PDE4D: variants seen among roughly 807,000 people sequenced by gnomAD.
PDE4D encodes 3',5'-cyclic-AMP phosphodiesterase 4D.
In PDE4D, 24 loss-of-function variants were observed where a neutral mutation model predicts 87.4. The observed-to-expected ratio is 0.27, with a 90% confidence interval of 0.20 to 0.39. The LOEUF (loss-of-function observed/expected upper bound fraction) is 0.39. PDE4D is among the 10% of genes least tolerant of loss of function. The pLI, the probability that PDE4D is intolerant of heterozygous loss-of-function variation, is 1.00. For missense variants in PDE4D, 714 were observed against 1,041.0 expected (o/e 0.69, Z 4.32); for synonymous variants, 384 against 383.2 (o/e 1.00, Z -0.02).
chr5:60,488,947 C>T (rs1212904857), upstream of PDE4D, among the ~76,000 whole-genome samples: 1 of 152,106 alleles, frequency 6.6e-6, no homozygotes, highest in African/African-American at 2.4e-5. Flanking sequence ...CCAGGTTTTT[C>T]TTGTTTTCTT....
chr5:60,440,152 C>T (rs986767235), intron 1 of PDE4D, among the ~76,000 whole-genome samples: 8 of 152,102 alleles, frequency 5.3e-5, no homozygotes, highest in African/African-American at 1.9e-4. Context: ...ACGACAAAAA[C>T]GTCTTAGTGG....
In PDE4D at chr5:59,301,977, G is replaced by A. The variant is rs192114335; in HGVS notation, c.456-86009C>T. Among the ~76,000 whole-genome samples, 17 of 152,258 alleles carry A rather than the reference G, an allele frequency of 1.1e-4. No individual in the cohort carries two copies. The East Asian group carries it at 3.3e-3, about 29-fold the overall frequency. The stretch of plus-strand genomic sequence containing the variant: ...AACATGACCAGGCATCTGCAGTAAG[G>A]GGCAAAATGGCGGAGTTTGGCCTTC... On this transcript the variant is annotated intron_variant, in intron 1 of 14. Transcript: ENST00000340635.
chr5:60,307,892 T>G (rs1222268757), intron 1 of PDE4D, among the ~76,000 whole-genome samples: 1 of 151,926 alleles, frequency 6.6e-6, no homozygotes, highest in African/African-American at 2.4e-5. Flanking sequence ...AATACAAAAA[T>G]TAGTGGGGCA....
At chr5:59,405,080 T>C (rs9918225) in intron 1 of PDE4D, among the ~76,000 whole-genome samples, 26,351 of 125,204 alleles carry the variant, frequency 0.21, 3,064 homozygotes, top group African/African-American at 0.39. Context: ...TTTGTGGTTA[T>C]ACATGAATTT....
intron 1 of PDE4D, among the ~76,000 whole-genome samples, chr5:59,505,280 C>G (rs1234639379): frequency 6.6e-6 from 1 of 152,200 alleles, no homozygotes; most frequent in Non-Finnish European, 1.5e-5. Context: ...CTGCCTAATT[C>G]TGAGTTGGCT....
At chr5:59,109,146 A>C (rs1448642767) in intron 5 of PDE4D, among the ~76,000 whole-genome samples, 1 of 152,008 alleles carries the variant, frequency 6.6e-6, no homozygotes, top group Non-Finnish European at 1.5e-5. Flanking sequence ...CATAATGCAC[A>C]TAGAAGTTGA....
intron 1 of PDE4D, among the ~76,000 whole-genome samples, chr5:59,822,096 T>C (rs182477279): frequency 2.0e-5 from 3 of 152,354 alleles, no homozygotes; most frequent in Admixed American, 2.0e-4. Flanking sequence ...AATGACAGGC[T>C]ACTGTTTATT....
At chr5:59,575,795 G>C (rs115017511) in intron 1 of PDE4D, among the ~76,000 whole-genome samples, 2,784 of 152,216 alleles carry the variant, frequency 0.018, 93 homozygotes, top group African/African-American at 0.063. Context: ...ATCTAATGAA[G>C]CAGGGCCTGA....
At chr5:60,026,174 A>G (rs1364514240) in intron 2 of PDE4D, among the ~76,000 whole-genome samples, 1 of 152,204 alleles carries the variant, frequency 6.6e-6, no homozygotes, top group African/African-American at 2.4e-5. Flanking sequence ...CGAAACAAAG[A>G]TCACTATTCA....
chr5:60,408,690 C>A (rs1335606964), intron 1 of PDE4D, among the ~76,000 whole-genome samples: 1 of 152,168 alleles, frequency 6.6e-6, no homozygotes, highest in Non-Finnish European at 1.5e-5. Flanking sequence ...GAAATACGAG[C>A]ATGATGTCTT....
intron 6 of PDE4D, among the ~76,000 whole-genome samples, chr5:59,033,209 G>T (rs928150612): frequency 6.6e-6 from 1 of 152,008 alleles, no homozygotes; most frequent in Admixed American, 6.6e-5. Context: ...CCTAATGGAC[G>T]CAGCAGAATT....
intron 1 of PDE4D, among the ~76,000 whole-genome samples, chr5:60,343,586 CCTT>C (rs1758492337): frequency 6.6e-6 from 1 of 152,138 alleles, no homozygotes; most frequent in Non-Finnish European, 1.5e-5. Flanking sequence ...TCACCTTTCT[CCTT>C]CTCTGCTCTG....
intron 3 of PDE4D, among the ~76,000 whole-genome samples, chr5:59,971,100 C>T (rs932662322): frequency 1.3e-5 from 2 of 150,768 alleles, no homozygotes; most frequent in East Asian, 2.0e-4. Context: ...AGTAAACTAT[C>T]GCAAGAACAA....
Position 59,630,066 on chromosome 5 carries a change from T to C in PDE4D, c.455+263102A>G, listed in dbSNP as rs547088420. 3.9e-5 allele frequency among the ~76,000 whole-genome samples: 6 copies of C among 152,304 alleles called. No homozygotes were observed. The South Asian group carries it at 1.2e-3, about 32-fold the overall frequency. On this transcript the variant is annotated intron_variant, in intron 1 of 14. Coordinates refer to ENST00000340635, the MANE Select transcript of PDE4D (RefSeq NM_001104631.2). ...ATAAAATTTTAAAGTCTAGCAAAGGTGTCTTATTTGGCTTTTCCTTCAAAA... is the reference window on the plus strand; with the variant it reads ...ATAAAATTTTAAAGTCTAGCAAAGGCGTCTTATTTGGCTTTTCCTTCAAAA...
chr5:59,126,143 A>T (rs1416331889), intron 5 of PDE4D, among the ~76,000 whole-genome samples: 1 of 151,788 alleles, frequency 6.6e-6, no homozygotes, highest in Non-Finnish European at 1.5e-5. Context: ...GCAAGGAAGA[A>T]AGGAAAAAAG....
intron 2 of PDE4D, among the ~76,000 whole-genome samples, chr5:60,064,629 C>T (rs1041361336): frequency 2.0e-5 from 3 of 152,104 alleles, no homozygotes; most frequent in African/African-American, 7.2e-5. Context: ...GCCACATGAA[C>T]AGCTAGAAAT....
At chr5:60,155,589 C>A (rs756049488) in intron 2 of PDE4D, among the ~76,000 whole-genome samples, 47 of 152,244 alleles carry the variant, frequency 3.1e-4, no homozygotes, top group Non-Finnish European at 5.6e-4. Flanking sequence ...ATTCACTTGA[C>A]AGATATTTAT....
intron 1 of PDE4D, among the ~76,000 whole-genome samples, chr5:59,551,821 G>A (rs1240890340): frequency 6.6e-6 from 1 of 151,936 alleles, no homozygotes; most frequent in African/African-American, 2.4e-5. Flanking sequence ...AGACATTTTT[G>A]TTTTCTTCAC....
chr5:60,350,550 C>T (rs936894272), intron 1 of PDE4D, among the ~76,000 whole-genome samples: 1 of 152,044 alleles, frequency 6.6e-6, no homozygotes, highest in African/African-American at 2.4e-5. Context: ...AAAAGTAGGC[C>T]AAACACAAGA....
Sources: gnomAD v4.1 joint callset for allele counts (sites outside exome capture counted in the v4.1 genomes callset) on GRCh38, gnomAD v4.1.1 for gene constraint, MANE v1.5 for transcripts, NCBI Gene and HGNC (gene_info 2026-07-23, HGNC 2026-07-21) for gene names.